FLG: variants seen among roughly 807,000 people sequenced by gnomAD.
FLG encodes filaggrin, also known as epidermal filaggrin.
In FLG, 6 loss-of-function variants were observed where a neutral mutation model predicts 3.8. That is an observed-to-expected ratio of 1.60 (90% CI 0.87 to 3.15). FLG has a LOEUF of 3.15. Ranked by LOEUF, FLG falls within the 30% of genes most tolerant of loss-of-function variation. FLG has a pLI of 0.00. For synonymous variants in FLG, 2,551 were observed against 1,931.6 expected (o/e 1.32, Z -8.41); for missense variants, 7,595 against 5,050.9 (o/e 1.50, Z -15.27).
rs751209901 is a variant in FLG, at chr1:152,304,660, C to G, written c.10226G>C (p.Arg3409Pro). The G allele has an allele frequency of 3.7e-6, 6 of 1,611,642 alleles. No individual in the cohort carries two copies. Among genetic ancestry groups the G allele is most frequent in the South Asian group, 2.2e-5 (2 of 90,632 alleles). The change falls in exon 3 of 3, where the codon CGA becomes CCA. Residue 3409 changes from arginine to proline, a missense_variant. Coordinates refer to ENST00000368799, the MANE Select transcript of FLG (RefSeq NM_002016.2). The stretch of plus-strand genomic sequence containing the variant: ...CTGCTCGTGGTGGGATCCTTGTCTT[C>G]GTCCAGTGCTGGTCCTGGTCCGCCC... ...AHGRTRTSTGRRQGSHHEQAR... is the reference protein window; with the variant it reads ...AHGRTRTSTGPRQGSHHEQAR...
Position 152,308,355 on chromosome 1 carries a change from A to G in FLG, c.6531T>C (p.Ser2177=), listed in dbSNP as rs1652131612. ...HHSHTTSQGR[S]DASRGQSGSR... ...ATCCTGACTGCCCACGGGAGGCATC[A>G]GACCTTCCCTGGGATGTGGTGTGGC... The change falls in exon 3 of 3, where the codon TCT becomes TCC. Residue 2177 remains serine (S), a synonymous_variant. Transcript: ENST00000368799. The G allele has an allele frequency of 6.2e-7, 1 of 1,613,496 alleles. No homozygotes were observed. Among genetic ancestry groups the G allele is most frequent in the Non-Finnish European group, 8.5e-7 (1 of 1,179,784 alleles).
rs776753037 is a variant in FLG at position 152,312,820 on chromosome 1, G to A, written c.2066C>T (p.Ser689Phe). 4.3e-6 allele frequency: 7 copies of A among 1,614,072 alleles called. No individual in the cohort carries two copies. The highest frequency in any genetic ancestry group is 5.9e-6 in the Non-Finnish European group (7 of 1,180,024). ...KSGTRHTQNS[S>F]SGQAASSHEQ... is the part of the protein sequence containing the mutation. ...ATGGGATGACGCAGCCTGTCCACTA[G>A]AGGAATTCTGTGTGTGACGAGTGCC... The change falls in exon 3 of 3, where the codon TCT becomes TTT. Residue 689 changes from serine to phenylalanine, a missense_variant. Transcript: ENST00000368799.
At position 152,314,564 on chromosome 1, in the gene FLG, C is replaced by A; in HGVS notation, c.322G>T (p.Asp108Tyr). ...GHKHRKHSHH[D>Y]KHEDNKQEEN... is the part of the protein sequence containing the mutation. ...TCCTGTTTATTATCTTCATGTTTAT[C>A]ATGATGACTGTGCTTTCTGTGCTTG... Residue 108 changes from aspartate to tyrosine, a missense_variant, in exon 3 of 3, where the codon GAT (aspartate) becomes TAT (tyrosine). By Grantham distance (160) the Asp-to-Tyr change is radical. Transcript: ENST00000368799. The A allele has an allele frequency of 1.2e-6, 2 of 1,613,740 alleles. No individual in the cohort carries two copies. The highest frequency in any genetic ancestry group is 1.7e-6 in the Non-Finnish European group (2 of 1,179,950).
chr1:152,302,808 C>A lies in FLG; in HGVS notation c.12078G>T (p.Arg4026Ser), dbSNP rs1651689644. Residue 4026 changes from arginine to serine, a missense_variant, in exon 3 of 3, where the codon AGG (arginine) becomes AGT (serine). Physicochemically the swap from Arg to Ser is moderately radical, Grantham distance 110 (BLOSUM62 -1). Coordinates refer to ENST00000368799, the MANE Select transcript of FLG (RefSeq NM_002016.2). Reference protein sequence around the residue: ...KASAFGKDHPRYYATYINKDP... With the variant: ...KASAFGKDHPSYYATYINKDP... ...CCTTATTAATATACGTTGCATAATA[C>A]CTTGGATGATCTTTACCAAACGCAC... The A allele has an allele frequency of 6.2e-7, 1 of 1,614,096 alleles. No individual in the cohort carries two copies. Among genetic ancestry groups the A allele is most frequent in the East Asian group, 2.2e-5 (1 of 44,888 alleles).
intron 2 of FLG, 132 bp downstream of exon 2, chr1:152,315,187 C>G: frequency 2.3e-6 from 2 of 885,140 alleles, no homozygotes; most frequent in Non-Finnish European, 1.8e-6. Context: ...TAAAATCTAT[C>G]TCTTTTGAGA....
chr1:152,307,120 C>T lies in FLG; in HGVS notation c.7766G>A (p.Arg2589Lys). 1 of 1,612,100 alleles carries T rather than the reference C, an allele frequency of 6.2e-7. No homozygotes were observed. The highest frequency in any genetic ancestry group is 8.5e-7 in the Non-Finnish European group (1 of 1,179,918). The change falls in exon 3 of 3, where the codon AGA (arginine) becomes AAA (lysine). Residue 2589 changes from arginine to lysine, a missense_variant. Coordinates refer to ENST00000368799, the MANE Select transcript of FLG (RefSeq NM_002016.2). ...CTCCTGAGCAGATCCATGATGGTTT[C>T]TGGAAGCAGACCCAGACCACCTCTC... ...DSERWSGSASRNHHGSAQEQL... is the reference protein window; with the variant it reads ...DSERWSGSASKNHHGSAQEQL...
rs1185063641 is a variant in FLG at position 152,311,583 on chromosome 1, C to T, written c.3303G>A (p.Glu1101=). 1 of 1,613,962 alleles carries T rather than the reference C, an allele frequency of 6.2e-7. No homozygotes were observed. The highest frequency in any genetic ancestry group is 8.5e-7 in the Non-Finnish European group (1 of 1,180,020). The change falls in exon 3 of 3, where the codon GAG becomes GAA. Residue 1101 remains glutamate (E), a synonymous_variant. Coordinates refer to ENST00000368799, the MANE Select transcript of FLG (RefSeq NM_002016.2). The part of the protein sequence containing the change: ...QDGPHQQSHQ[E]SARDWSGGRS... ...TTCCCCCTGACCAGTCACGTGCGGA[C>T]TCTTGGTGGCTCTGCTGATGGGGCC...
rs775995278 is a variant in FLG at position 152,313,833 on chromosome 1, G to T, written c.1053C>A (p.Asp351Glu). 6.2e-7 allele frequency: 1 copy of T among 1,614,164 alleles called. No homozygotes were observed. Among genetic ancestry groups the T allele is most frequent in the East Asian group, 2.2e-5 (1 of 44,868 alleles). ...GACGAGTGCCTGATTGTCTGGAGCT[G>T]TCTGCAGAGTGCCCATGACTGGCTC... ...EDRASHGHSA[D>E]SSRQSGTRHA... is the part of the protein sequence containing the mutation. Residue 351 changes from aspartate (D) to glutamate (E), a missense_variant, in exon 3 of 3, where the codon GAC (aspartate) becomes GAA (glutamate). Physicochemically the swap from Asp to Glu is conservative, Grantham distance 45. Coordinates refer to ENST00000368799, the MANE Select transcript of FLG (RefSeq NM_002016.2).
In FLG at chr1:152,313,418, C is replaced by T. The variant is rs1434726278; in HGVS notation, c.1468G>A (p.Gly490Arg). 6 of 1,613,738 alleles carry T rather than the reference C, an allele frequency of 3.7e-6. No individual in the cohort carries two copies. The highest frequency in any genetic ancestry group is 3.3e-4 in the Middle Eastern group (2 of 6,080). ...SAHGRTGTST[G>R]GRQGSHHEQA... ...TCGTGGTGCGATCCTTGTCTTCCTC[C>T]AGTGCTGGTCCCGGTCCGTCCATGG... Residue 490 changes from glycine to arginine, a missense_variant, in exon 3 of 3, where the codon GGA becomes AGA. Physicochemically the swap from Gly to Arg is moderately radical, Grantham distance 125. Coordinates refer to ENST00000368799, the MANE Select transcript of FLG (RefSeq NM_002016.2).
At position 152,312,897 on chromosome 1, in the gene FLG, A is replaced by C; in HGVS notation, c.1989T>G (p.His663Gln). ...SRDGSRHPRS[H>Q]HEDRAGHGHS... ...GCCCATGACCAGCTCTGTCTTCGTGATGGGACCTGGGGTGTCTGGAGCCAT... is the reference window on the plus strand; with the variant it reads ...GCCCATGACCAGCTCTGTCTTCGTGCTGGGACCTGGGGTGTCTGGAGCCAT... The change falls in exon 3 of 3, where the codon CAT (histidine) becomes CAG (glutamine). Residue 663 changes from histidine to glutamine, a missense_variant. Transcript: ENST00000368799. 6.2e-7 allele frequency: 1 copy of C among 1,613,938 alleles called. No homozygotes were observed.
At position 152,312,302 on chromosome 1, in the gene FLG, C is replaced by G. The variant is rs1352695756; in HGVS notation, c.2584G>C (p.Asp862His). 1.9e-6 allele frequency: 3 copies of G among 1,613,364 alleles called. No homozygotes were observed. Among genetic ancestry groups the G allele is most frequent in the South Asian group, 1.1e-5 (1 of 91,046 alleles). The change falls in exon 3 of 3, where the codon GAT becomes CAT. Residue 862 changes from aspartate to histidine, a missense_variant. By Grantham distance (81) the Asp-to-His change is moderately conservative. Transcript: ENST00000368799. The stretch of plus-strand genomic sequence containing the variant: ...TGGGACCCTGAGTGTCCAGACCTAT[C>G]TACCGATTGCTCGTGGTGGGACCCC... ...RQGSHHEQSV[D>H]RSGHSGSHHS...
At chr1:152,314,867 T>C in intron 2 of FLG, 120 bp from the exon 3 acceptor site, 3 of 1,087,276 alleles carry the variant, frequency 2.8e-6, no homozygotes, top group Non-Finnish European at 3.7e-6. Flanking sequence ...GACAAAATCT[T>C]TTTTTTTTTT....
intron 1 of FLG, among the ~76,000 whole-genome samples, chr1:152,319,309 TGTG>T (rs1044589741): frequency 8.1e-5 from 4 of 49,300 alleles, no homozygotes; most frequent in African/African-American, 3.7e-4. Flanking sequence ...AACTAGAAAA[TGTG>T]TGTGTGTGTG....
chr1:152,315,520 T>C (rs1557883437), intron 1 of FLG, 43 bp from the exon 2 acceptor site: 1 of 1,436,350 alleles, frequency 7.0e-7, no homozygotes, highest in Non-Finnish European at 9.6e-7. Flanking sequence ...TACATCTTTT[T>C]TTCTAGGTTA....
rs773159075 is a variant in FLG at position 152,308,865 on chromosome 1, GGAT to G, written c.6018_6020del (p.Ser2007del). The G allele has an allele frequency of 1.2e-6, 2 of 1,614,020 alleles. No homozygotes were observed. Among genetic ancestry groups the G allele is most frequent in the African/African-American group, 2.7e-5 (2 of 74,922 alleles). ...TGTCTGCTGACTGGAGCTGGTGGTGGGATCCATGTCTTTCTCCTGCACTTGATC... is the reference window on the plus strand; with the variant it reads ...TGTCTGCTGACTGGAGCTGGTGGTGGCCATGTCTTTCTCCTGCACTTGATC... On this transcript the variant is annotated inframe_deletion, in exon 3 of 3. Transcript: ENST00000368799.
Position 152,314,652 on chromosome 1 carries a change from T to C in FLG, c.234A>G (p.Val78=). The C allele has an allele frequency of 6.2e-7, 1 of 1,614,126 alleles. No homozygotes were observed. Among genetic ancestry groups the C allele is most frequent in the Non-Finnish European group, 8.5e-7 (1 of 1,180,004 alleles). The change falls in exon 3 of 3, where the codon GTA becomes GTG. Residue 78 remains valine (V), a synonymous_variant. Coordinates refer to ENST00000368799, the MANE Select transcript of FLG (RefSeq NM_002016.2). ...CATAATATGCTTGAGCCAACTTGAATACCATCAGAAGAAACTCAGTGAAGT... is the reference window on the plus strand; with the variant it reads ...CATAATATGCTTGAGCCAACTTGAACACCATCAGAAGAAACTCAGTGAAGT... ...KIDFTEFLLM[V]FKLAQAYYES...
rs375657029 is a variant in FLG at position 152,307,675 on chromosome 1, G to C, written c.7211C>G (p.Ser2404Ter). 1.8e-5 allele frequency: 29 copies of C among 1,613,322 alleles called. No homozygotes were observed. The highest frequency in any genetic ancestry group is 4.4e-5 in the South Asian group (4 of 91,018). The stretch of plus-strand genomic sequence containing the variant: ...CCCTGAACGTCCAGACCTTCCTGCT[G>C]ACCGGCCACGTGTGGACTCTTGGTG... ...QSHQESTRGRSAGRSGRSGSF... is the reference protein window; with the variant it reads ...QSHQESTRGR The change falls in exon 3 of 3, where the codon TCA becomes TGA. Residue 2404 changes from serine (S) to a stop codon, truncating the protein, a stop_gained. Transcript: ENST00000368799. LOFTEE classifies it low-confidence loss of function (END_TRUNC).
In FLG at chr1:152,306,309, A is replaced by T; in HGVS notation, c.8577T>A (p.His2859Gln). The change falls in exon 3 of 3, where the codon CAT (histidine) becomes CAA (glutamine). Residue 2859 changes from histidine to glutamine, a missense_variant. By Grantham distance (24) the His-to-Gln change is conservative (BLOSUM62 0). Coordinates refer to ENST00000368799, the MANE Select transcript of FLG (RefSeq NM_002016.2). The stretch of plus-strand genomic sequence containing the variant: ...AGATGTCGGCATGAGTGGAAGCTTC[A>T]TGGTGACGCGACCCTGAGTGCCTGG... ...DGSRHSGSRH[H>Q]EASTHADISR... The T allele has an allele frequency of 6.2e-7, 1 of 1,603,488 alleles. No individual in the cohort carries two copies. The highest frequency in any genetic ancestry group is 8.5e-7 in the Non-Finnish European group (1 of 1,180,036).
rs760983085 is a variant in FLG at position 152,310,259 on chromosome 1, G to T, written c.4627C>A (p.Gln1543Lys). The change falls in exon 3 of 3, where the codon CAA becomes AAA. Residue 1543 changes from glutamine (Q) to lysine (K), a missense_variant. Transcript: ENST00000368799. ...CCTGATTGTTCCTCATTTCTTGTTT[G>T]CCTGCTTGCACTTCTGGGTCCTGAC... is the stretch of plus-strand genomic sequence containing the variant. Reference protein sequence around the residue: ...GQSGPRSASRQTRNEEQSGDG... With the variant: ...GQSGPRSASRKTRNEEQSGDG... 1.9e-6 allele frequency: 3 copies of T among 1,613,714 alleles called. No individual in the cohort carries two copies. The highest frequency in any genetic ancestry group is 2.5e-6 in the Non-Finnish European group (3 of 1,179,972).
Sources: allele counts gnomAD v4.1 joint callset (sites outside exome capture counted in the v4.1 genomes callset), GRCh38; gene constraint gnomAD v4.1.1; transcripts MANE v1.5; gene names NCBI Gene and HGNC (gene_info 2026-07-23, HGNC 2026-07-21).